WFDC1: variants seen among roughly 807,000 people sequenced by gnomAD.
WFDC1 encodes WAP four-disulfide core domain protein 1.
Under a neutral mutation model 32.9 loss-of-function variants are expected in WFDC1, and 39 were observed. The ratio of observed to expected loss-of-function variants is 1.19; its 90% confidence interval spans 0.92 to 1.55. The LOEUF (loss-of-function observed/expected upper bound fraction) is 1.55, where lower values mean the gene tolerates loss of function less well. Ranked by LOEUF, WFDC1 falls within the 40% of genes most tolerant of loss-of-function variation. WFDC1 has a pLI of 0.00. For missense variants in WFDC1, 386 were observed against 309.5 expected (o/e 1.25, Z -1.85); for synonymous variants, 184 against 137.4 (o/e 1.34, Z -2.37).
chr16:84,315,378 T>G (rs1235177982), intron 2 of WFDC1, among the ~76,000 whole-genome samples: 1 of 152,206 alleles, frequency 6.6e-6, no homozygotes, highest in Non-Finnish European at 1.5e-5. Flanking sequence ...CTCTCCCCAC[T>G]TGAAGGTCAG....
intron 4 of WFDC1, among the ~76,000 whole-genome samples, chr16:84,323,098 C>G (rs898301225): frequency 6.6e-6 from 1 of 152,134 alleles, no homozygotes; most frequent in Non-Finnish European, 1.5e-5. Context: ...GGGAGCTCCC[C>G]CAGCCTACAA....
At chr16:84,313,456 C>T (rs1329019256) in intron 2 of WFDC1, among the ~76,000 whole-genome samples, 1 of 152,230 alleles carries the variant, frequency 6.6e-6, no homozygotes, top group Non-Finnish European at 1.5e-5. Flanking sequence ...CAGGGAGCCA[C>T]AGTCCAGCAG....
intron 1 of WFDC1, among the ~76,000 whole-genome samples, chr16:84,307,787 T>C (rs1189004169): frequency 6.6e-6 from 1 of 152,108 alleles, no homozygotes; most frequent in Non-Finnish European, 1.5e-5. Context: ...GGATTAAAAA[T>C]TGCGGACCCC....
intron 2 of WFDC1, chr16:84,317,993 G>T: frequency 2.8e-6 from 1 of 355,562 alleles, no homozygotes; most frequent in Non-Finnish European, 5.4e-6. Context: ...AGCCCCGATT[G>T]GAGGGTGAGA....
intron 5 of WFDC1, 31 bp downstream of exon 5, chr16:84,324,491 A>T: frequency 6.2e-7 from 1 of 1,604,010 alleles, no homozygotes; most frequent in African/African-American, 1.3e-5. Flanking sequence ...TTCTTTCCAG[A>T]GGGCACAAAA....
chr16:84,325,206 C>T (rs1305937604), intron 5 of WFDC1, among the ~76,000 whole-genome samples: 15 of 136,408 alleles, frequency 1.1e-4, no homozygotes, highest in African/African-American at 4.0e-4. Flanking sequence ...ACCCATCTAC[C>T]TTTTTTTTTT....
chr16:84,302,971 A>C (rs12599383), intron 1 of WFDC1, among the ~76,000 whole-genome samples: 1 of 150,996 alleles, frequency 6.6e-6, no homozygotes, highest in Admixed American at 6.6e-5. Context: ...TGACAATGAC[A>C]TTGTTGGGAA....
At chr16:84,314,596 A>G (rs1445104214) in intron 2 of WFDC1, among the ~76,000 whole-genome samples, 1 of 152,230 alleles carries the variant, frequency 6.6e-6, no homozygotes, top group African/African-American at 2.4e-5. Context: ...ATGACAGGGG[A>G]CTCAGCACAC....
At chr16:84,297,137 C>T (rs190219568) in intron 1 of WFDC1, among the ~76,000 whole-genome samples, 7 of 152,130 alleles carry the variant, frequency 4.6e-5, no homozygotes, top group East Asian at 1.9e-4. Flanking sequence ...TTGATATGCG[C>T]GGGGGATTTG....
At chr16:84,300,104 C>G (rs1906845987) in intron 1 of WFDC1, among the ~76,000 whole-genome samples, 1 of 152,230 alleles carries the variant, frequency 6.6e-6, no homozygotes, top group African/African-American at 2.4e-5. Flanking sequence ...TGGCCTGGAG[C>G]TGTGCTTTCA....
chr16:84,315,681 C>T (rs1325824632), intron 2 of WFDC1, among the ~76,000 whole-genome samples: 1 of 152,200 alleles, frequency 6.6e-6, no homozygotes, highest in Admixed American at 6.5e-5. Context: ...CACCAGATGC[C>T]AGTAGCAACC....
chr16:84,301,003 A>G (rs752760527), intron 1 of WFDC1, among the ~76,000 whole-genome samples: 4 of 152,024 alleles, frequency 2.6e-5, no homozygotes, highest in Non-Finnish European at 4.4e-5. Flanking sequence ...GAGAAGAGAC[A>G]TAGAATCAGA....
At chr16:84,319,956 A>G (rs963534062) in intron 4 of WFDC1, among the ~76,000 whole-genome samples, 2 of 152,180 alleles carry the variant, frequency 1.3e-5, no homozygotes, top group Non-Finnish European at 2.9e-5. Flanking sequence ...AGCCCTAAGG[A>G]ATAGTAGGTG....
intron 1 of WFDC1, among the ~76,000 whole-genome samples, chr16:84,312,676 G>T (rs1210179908): frequency 6.6e-6 from 1 of 151,898 alleles, no homozygotes; most frequent in African/African-American, 2.4e-5. Context: ...CTCTCACACC[G>T]GGTAGATACT....
chr16:84,309,834 T>C (rs989688209), intron 1 of WFDC1, among the ~76,000 whole-genome samples: 2 of 143,808 alleles, frequency 1.4e-5, no homozygotes, highest in African/African-American at 5.2e-5. Flanking sequence ...TGTGTGTGCG[T>C]GCGTGTGTAC....
At chr16:84,320,269 T>G (rs1416546066) in intron 4 of WFDC1, among the ~76,000 whole-genome samples, 2 of 152,204 alleles carry the variant, frequency 1.3e-5, no homozygotes, top group African/African-American at 2.4e-5. Flanking sequence ...TGGTGTTCAG[T>G]AGGTTAACTG....
At chr16:84,318,484 C>T in intron 3 of WFDC1, 129 bp downstream of exon 3, 1 of 818,058 alleles carries the variant, frequency 1.2e-6, no homozygotes, top group Non-Finnish European at 2.0e-6. Context: ...ACACTCAGCC[C>T]TCTTTGATCC....
chr16:84,307,430 G>T (rs774411243), intron 1 of WFDC1, among the ~76,000 whole-genome samples: 1 of 152,158 alleles, frequency 6.6e-6, no homozygotes, highest in African/African-American at 2.4e-5. Context: ...TTTCAGTCAC[G>T]CAGTAAATAA....
At position 84,318,271 on chromosome 16, in the gene WFDC1, G is replaced by A. The variant is rs777537659; in HGVS notation, c.338-1G>A. 5.0e-6 allele frequency: 8 copies of A among 1,613,992 alleles called. No homozygotes were observed. Among genetic ancestry groups the A allele is most frequent in the Middle Eastern group, 1.6e-4 (1 of 6,082 alleles). ...CCTGATCTGACCCCGTATTGTGTTA[G>A]TCTTAGACTGGCTGGTGCAGCCGAA... On this transcript the variant is annotated splice_acceptor_variant, in intron 2 of 6. Transcript: ENST00000219454. LOFTEE classifies it high-confidence loss of function.
Sources: gnomAD v4.1 joint callset for allele counts (sites outside exome capture counted in the v4.1 genomes callset) on GRCh38, gnomAD v4.1.1 for gene constraint, MANE v1.5 for transcripts, NCBI Gene and HGNC (gene_info 2026-07-23, HGNC 2026-07-21) for gene names.